Variants in PCDH9 observed in about 807,000 individuals in gnomAD.
PCDH9 encodes the protein protocadherin 9.
PCDH9 carries 24 observed loss-of-function variants against 70.6 expected under a neutral mutation model. The observed-to-expected ratio is 0.34, with a 90% CI of 0.25 to 0.48. The LOEUF is 0.48. PCDH9 is among the 20% of genes least tolerant of loss of function. The pLI, the probability that PCDH9 is intolerant of heterozygous loss-of-function variation, is 0.99. For missense variants in PCDH9, 1,281 were observed against 1,503.6 expected, an observed-to-expected ratio of 0.85 and a Z score of 2.45; for synonymous variants, 562 against 558.5, an observed-to-expected ratio of 1.01 and a Z score of -0.09.
intron 3 of PCDH9, among the ~76,000 whole-genome samples, chr13:66,893,291 G>A (rs1161779206): frequency 6.6e-6 from 1 of 152,112 alleles, no homozygotes; most frequent in Non-Finnish European, 1.5e-5. Flanking sequence ...TAACAGAAGA[G>A]GTAACTGATT....
At chr13:66,779,989 A>G (rs556867191) in intron 3 of PCDH9, among the ~76,000 whole-genome samples, 1 of 151,266 alleles carries the variant, frequency 6.6e-6, no homozygotes, top group East Asian at 1.9e-4. Flanking sequence ...AAAGGATATA[A>G]AGTAGAGGTA....
intron 2 of PCDH9, among the ~76,000 whole-genome samples, chr13:67,052,629 G>A (rs1212463500): frequency 6.6e-6 from 1 of 152,028 alleles, no homozygotes; most frequent in Non-Finnish European, 1.5e-5. Context: ...GAAGGTAGGA[G>A]GGAGGTGCAG....
At chr13:66,943,654 T>C (rs1443351680) in intron 2 of PCDH9, among the ~76,000 whole-genome samples, 1 of 152,058 alleles carries the variant, frequency 6.6e-6, no homozygotes, top group Admixed American at 6.6e-5. Flanking sequence ...CTCCTGGAGA[T>C]TGATACAGAT....
intron 4 of PCDH9, among the ~76,000 whole-genome samples, chr13:66,491,622 T>C (rs1357276084): frequency 6.6e-6 from 1 of 152,176 alleles, no homozygotes; most frequent in African/African-American, 2.4e-5. Flanking sequence ...TGGGTAATAC[T>C]TAACTATTTT....
intron 2 of PCDH9, among the ~76,000 whole-genome samples, chr13:66,974,863 C>T (rs749551711): frequency 2.0e-5 from 3 of 151,918 alleles, no homozygotes; most frequent in Admixed American, 6.6e-5. Context: ...ACATGCAGTA[C>T]GATATGAACT....
intron 2 of PCDH9, among the ~76,000 whole-genome samples, chr13:67,022,743 C>T (rs1340869700): frequency 1.3e-5 from 2 of 152,110 alleles, no homozygotes; most frequent in Non-Finnish European, 2.9e-5. Flanking sequence ...AACAAGGAGG[C>T]AGAATTTTGT....
At chr13:66,924,064 A>C (rs922587287) in intron 2 of PCDH9, among the ~76,000 whole-genome samples, 2 of 151,778 alleles carry the variant, frequency 1.3e-5, no homozygotes, top group African/African-American at 2.4e-5. Flanking sequence ...AGCAAGAAGC[A>C]TGAGGGCCAA....
At chr13:66,834,597 G>A (rs528520392) in intron 3 of PCDH9, among the ~76,000 whole-genome samples, 1 of 152,296 alleles carries the variant, frequency 6.6e-6, no homozygotes, top group South Asian at 2.1e-4. Flanking sequence ...GGAAGTACAA[G>A]GTAGTATACT....
intron 2 of PCDH9, among the ~76,000 whole-genome samples, chr13:67,127,534 T>C (rs1381399391): frequency 2.0e-5 from 3 of 151,992 alleles, no homozygotes; most frequent in Admixed American, 2.0e-4. Flanking sequence ...TGTGTGCATG[T>C]ATGTGTATCC....
intron 4 of PCDH9, among the ~76,000 whole-genome samples, chr13:66,350,806 C>T (rs927927565): frequency 6.6e-6 from 1 of 152,178 alleles, no homozygotes; most frequent in Non-Finnish European, 1.5e-5. Context: ...TTATTTTCTA[C>T]ATCTATGTCT....
At chr13:66,888,662 A>G (rs2082047520) in intron 3 of PCDH9, among the ~76,000 whole-genome samples, 1 of 152,126 alleles carries the variant, frequency 6.6e-6, no homozygotes, top group African/African-American at 2.4e-5. Context: ...CATTTTTAAT[A>G]TCAGCTGAGG....
At chr13:66,894,461 T>A (rs1056267159) in intron 3 of PCDH9, among the ~76,000 whole-genome samples, 6 of 152,108 alleles carry the variant, frequency 3.9e-5, no homozygotes, top group Admixed American at 1.3e-4. Flanking sequence ...GCTGCATAAT[T>A]TTTTTTATTT....
chr13:66,606,611 T>C (rs2077225521), intron 4 of PCDH9, among the ~76,000 whole-genome samples: 2 of 152,172 alleles, frequency 1.3e-5, no homozygotes, highest in Non-Finnish European at 2.9e-5. Flanking sequence ...CACAATAGAA[T>C]GCCTAGTTAA....
chr13:66,494,658 G>A (rs1209898377), intron 4 of PCDH9, among the ~76,000 whole-genome samples: 9 of 152,052 alleles, frequency 5.9e-5, no homozygotes, highest in African/African-American at 1.7e-4. Context: ...ACCCTTTAAG[G>A]TATGTACATT....
At chr13:66,955,057 T>C (rs1051877093) in intron 2 of PCDH9, among the ~76,000 whole-genome samples, 2 of 152,040 alleles carry the variant, frequency 1.3e-5, no homozygotes, top group Admixed American at 6.6e-5. Context: ...GCCACTGAGA[T>C]AGAACATTTT....
chr13:66,571,240 T>C (rs1425300442), intron 4 of PCDH9, among the ~76,000 whole-genome samples: 2 of 152,090 alleles, frequency 1.3e-5, no homozygotes, highest in Non-Finnish European at 2.9e-5. Flanking sequence ...TATTCTGATC[T>C]AATTCTGATC....
intron 3 of PCDH9, among the ~76,000 whole-genome samples, chr13:66,632,006 G>A (rs980877534): frequency 8.5e-5 from 13 of 152,262 alleles, no homozygotes; most frequent in African/African-American, 3.1e-4. Flanking sequence ...CGATTCTCCT[G>A]TCTCAGCCTT....
intron 3 of PCDH9, among the ~76,000 whole-genome samples, chr13:66,764,742 G>A (rs2079684326): frequency 6.6e-6 from 1 of 151,894 alleles, no homozygotes; most frequent in Non-Finnish European, 1.5e-5. Context: ...TGATCACCAA[G>A]GCCAAAACAT....
At chr13:66,575,054 T>A (rs2076794095) in intron 4 of PCDH9, among the ~76,000 whole-genome samples, 1 of 151,844 alleles carries the variant, frequency 6.6e-6, no homozygotes, top group Non-Finnish European at 1.5e-5. Context: ...ATGCCTCTAA[T>A]CCCAGCTACT....
Sources: allele counts gnomAD v4.1 joint callset (sites outside exome capture counted in the v4.1 genomes callset), GRCh38; gene constraint gnomAD v4.1.1; transcripts MANE v1.5; gene names NCBI Gene and HGNC (gene_info 2026-07-23, HGNC 2026-07-21).